Variants in PHKB observed in about 807,000 individuals in gnomAD.
PHKB encodes the protein phosphorylase b kinase regulatory subunit beta.
PHKB carries 122 observed loss-of-function variants against 152.1 expected under a neutral mutation model. That is an observed-to-expected ratio of 0.80 (90% CI 0.69 to 0.93). The LOEUF is 0.93. Among genes scored for constraint, PHKB ranks in the 40% least tolerant of loss-of-function variants. The pLI, the probability that PHKB is intolerant of heterozygous loss-of-function variation, is 0.00. For synonymous variants in PHKB, 436 were observed against 464.9 expected (o/e 0.94, Z 0.80); for missense variants, 1,304 against 1,328.4 (o/e 0.98, Z 0.29).
chr16:47,561,559 G>A (rs1250315596), intron 7 of PHKB: 1 of 152,232 alleles, frequency 6.6e-6, no homozygotes, highest in East Asian at 1.9e-4. Flanking sequence ...TGCAGGAAGT[G>A]GACAGCTGAA....
chr16:47,681,600 T>A (rs1360227971), intron 26 of PHKB, among the ~76,000 whole-genome samples: 1 of 152,050 alleles, frequency 6.6e-6, no homozygotes, highest in African/African-American at 2.4e-5. Context: ...AACCCCTGCC[T>A]TTTTTTGTTT....
chr16:47,631,215 A>T (rs966477805), intron 14 of PHKB, among the ~76,000 whole-genome samples: 1 of 152,270 alleles, frequency 6.6e-6, no homozygotes, highest in Admixed American at 6.5e-5. Flanking sequence ...TGAAATACGT[A>T]CTGTGACATG....
At chr16:47,530,973 A>T (rs1970852222) in intron 6 of PHKB, among the ~76,000 whole-genome samples, 1 of 152,218 alleles carries the variant, frequency 6.6e-6, no homozygotes, top group African/African-American at 2.4e-5. Flanking sequence ...ATTTAGAAGA[A>T]TAAACTGTAA....
chr16:47,656,234 G>C (rs958519650), intron 20 of PHKB, among the ~76,000 whole-genome samples: 1 of 152,068 alleles, frequency 6.6e-6, no homozygotes. Flanking sequence ...AGCCAGCATG[G>C]TCTCGATCTC....
chr16:47,547,764 C>G, intron 7 of PHKB: 1 of 505,844 alleles, frequency 2.0e-6, no homozygotes, highest in South Asian at 2.1e-5. Context: ...AGGTGTCTTT[C>G]CCAACCTCCC....
chr16:47,699,212 A>G lies in PHKB; in HGVS notation c.3145-17A>G, dbSNP rs1555501058. 3 of 1,613,320 alleles carry G rather than the reference A, an allele frequency of 1.9e-6. No homozygotes were observed. The highest frequency in any genetic ancestry group is 1.7e-6 in the Non-Finnish European group (2 of 1,179,286). On this transcript the variant is annotated splice_polypyrimidine_tract_variant and intron_variant, in intron 30 of 30. Transcript: ENST00000323584. ...AAACAGAAGATCGAATGCCTTGCCT[A>G]CTGTTTTCCTTTGTAGGATGACATG...
intron 20 of PHKB, 77 bp downstream of exon 20, chr16:47,650,998 G>T (rs1445578187): frequency 4.8e-6 from 5 of 1,035,944 alleles, no homozygotes; most frequent in Non-Finnish European, 7.6e-6. Flanking sequence ...TTAATGTATG[G>T]TCTATTTAAG....
chr16:47,667,242 A>G (rs1973554801), intron 25 of PHKB, among the ~76,000 whole-genome samples: 1 of 151,836 alleles, frequency 6.6e-6, no homozygotes, highest in Non-Finnish European at 1.5e-5. Context: ...GACCAGCCTG[A>G]GCACATAGCA....
intron 26 of PHKB, among the ~76,000 whole-genome samples, chr16:47,686,423 C>A (rs1973966241): frequency 6.6e-6 from 1 of 152,204 alleles, no homozygotes; most frequent in African/African-American, 2.4e-5. Flanking sequence ...TTCCTCTAAA[C>A]TGAGTTTAAG....
In PHKB at chr16:47,539,245, A is replaced by C. The variant is rs151058384; in HGVS notation, c.595-8188A>C. Among the ~76,000 whole-genome samples the C allele has an allele frequency of 8.3e-4, 127 of 152,280 alleles. 1 individual carries two copies. The highest frequency in any genetic ancestry group is 2.9e-3 in the African/African-American group (121 of 41,560). On this transcript the variant is annotated intron_variant, in intron 6 of 30. Transcript: ENST00000323584. ...TTCCACCTGTGAGCTTTGAGTTTATAACAATGTACCTGTAGCTATACAAAA... is the reference window on the plus strand; with the variant it reads ...TTCCACCTGTGAGCTTTGAGTTTATCACAATGTACCTGTAGCTATACAAAA...
chr16:47,557,283 G>T (rs972041783), intron 7 of PHKB, among the ~76,000 whole-genome samples: 1 of 152,260 alleles, frequency 6.6e-6, no homozygotes, highest in Admixed American at 6.5e-5. Context: ...AAAAACCCTA[G>T]AAGAAAACCT....
In PHKB at chr16:47,648,555, A is replaced by G. The variant is rs139383341; in HGVS notation, c.1631A>G (p.Asn544Ser). The change falls in exon 17 of 31, where the codon AAT (asparagine) becomes AGT (serine). Residue 544 changes from asparagine (N) to serine (S), a missense_variant. By Grantham distance (46) the Asn-to-Ser change is conservative. Transcript: ENST00000323584. ...LVKAYLQLGI[N>S]EKLGLSGRPD... ...CAGGCTTATTTGCAGCTGGGTATCA[A>G]TGAAAAGTTAGGACTCTCTGGAAGG... 3.4e-4 allele frequency: 549 copies of G among 1,613,026 alleles called. 2 individuals are homozygous for G. Among genetic ancestry groups the G allele is most frequent in the Non-Finnish European group, 3.8e-4 (443 of 1,179,036 alleles).
Position 47,467,619 on chromosome 16 carries a change from T to A in PHKB, c.76+6193T>A, listed in dbSNP as rs376315560. Among the ~76,000 whole-genome samples, 11 of 152,206 alleles carry A rather than the reference T, an allele frequency of 7.2e-5. No individual in the cohort carries two copies. The East Asian group carries it at 1.3e-3, about 19-fold the overall frequency. ...TACTAGGACCTGCCCTGTAATCTTA[T>A]AAGATTTAGGAAATAGAGGCCATAT... On this transcript the variant is annotated intron_variant, in intron 1 of 30. Transcript: ENST00000323584.
chr16:47,613,610 TTC>T (rs758703110), intron 14 of PHKB, among the ~76,000 whole-genome samples: 46 of 152,204 alleles, frequency 3.0e-4, no homozygotes, highest in Non-Finnish European at 5.9e-4. Context: ...CTCAAATGTT[TTC>T]TGTTTCTTTA....
intron 4 of PHKB, among the ~76,000 whole-genome samples, chr16:47,508,339 A>G (rs1970454771): frequency 6.6e-6 from 1 of 152,174 alleles, no homozygotes; most frequent in African/African-American, 2.4e-5. Context: ...CTGCCTACAG[A>G]GAGGCATTCA....
At chr16:47,555,437 C>A (rs780506910) in intron 7 of PHKB, among the ~76,000 whole-genome samples, 6 of 152,156 alleles carry the variant, frequency 3.9e-5, no homozygotes, top group Non-Finnish European at 8.8e-5. Flanking sequence ...ATAGACCTAT[C>A]TTTTCCATAA....
chr16:47,656,566 ATTT>A (rs1973342499), intron 20 of PHKB, among the ~76,000 whole-genome samples: 1 of 152,178 alleles, frequency 6.6e-6, no homozygotes, highest in Non-Finnish European at 1.5e-5. Context: ...CATGTTAATC[ATTT>A]TTAAGTGTCC....
At chr16:47,511,430 C>T (rs1970508048) in intron 4 of PHKB, among the ~76,000 whole-genome samples, 1 of 152,194 alleles carries the variant, frequency 6.6e-6, no homozygotes, top group African/African-American at 2.4e-5. Flanking sequence ...CTGCTCCATA[C>T]TATACCTGAG....
At chr16:47,496,145 G>A (rs1025622470) in intron 1 of PHKB, among the ~76,000 whole-genome samples, 1 of 151,784 alleles carries the variant, frequency 6.6e-6, no homozygotes, top group Admixed American at 6.6e-5. Context: ...CTGCCACTAG[G>A]TAAATTATAG....
Sources: allele counts gnomAD v4.1 joint callset (sites outside exome capture counted in the v4.1 genomes callset), GRCh38; gene constraint gnomAD v4.1.1; transcripts MANE v1.5; gene names NCBI Gene and HGNC (gene_info 2026-07-23, HGNC 2026-07-21).